RBFOX1: variants seen among roughly 807,000 people sequenced by gnomAD.
RBFOX1 encodes RNA binding protein fox-1 homolog 1.
A neutral mutation model predicts 57.7 loss-of-function variants in RBFOX1; 8 were observed. The observed-to-expected ratio is 0.14, with a 90% CI of 0.08 to 0.25. RBFOX1 has a LOEUF of 0.25. Ranked by LOEUF, RBFOX1 falls within the 10% of genes least tolerant of loss-of-function variation. The pLI is 1.00. For missense variants in RBFOX1, 611 were observed against 548.5 expected (o/e 1.11, Z -1.14); for synonymous variants, 326 against 222.4 (o/e 1.47, Z -4.15).
At position 6,978,719 on chromosome 16, in the gene RBFOX1, C is replaced by G. The variant is rs75999540; in HGVS notation, c.-15-73338C>G. ...CCAATGTAATCAGGATGTGATAAATCTCAGAGTAAGTTTGGAAGAAGGATT... is the reference window on the plus strand; with the variant it reads ...CCAATGTAATCAGGATGTGATAAATGTCAGAGTAAGTTTGGAAGAAGGATT... On this transcript the variant is annotated intron_variant, in intron 3 of 15. Transcript: ENST00000550418. Among the ~76,000 whole-genome samples, 4 of 152,322 alleles carry G rather than the reference C, an allele frequency of 2.6e-5. No homozygotes were observed. In the East Asian group the frequency reaches 5.8e-4, roughly 22 times the overall value.
chr16:6,749,779 T>C (rs557162602), intron 3 of RBFOX1, among the ~76,000 whole-genome samples: 1 of 152,346 alleles, frequency 6.6e-6, no homozygotes, highest in South Asian at 2.1e-4. Flanking sequence ...CAGAGCAGCC[T>C]TATGATTAAA....
At chr16:7,484,940 C>A (rs892292425) in intron 4 of RBFOX1, among the ~76,000 whole-genome samples, 27 of 152,150 alleles carry the variant, frequency 1.8e-4, no homozygotes, top group Non-Finnish European at 1.5e-4. Context: ...AACCCATATG[C>A]CCCAAGTTGT....
chr16:7,000,586 C>CT (rs149516490), intron 3 of RBFOX1, among the ~76,000 whole-genome samples: 2,447 of 93,936 alleles, frequency 0.026, 105 homozygotes, highest in African/African-American at 0.082. Context: ...TTTTTTCTTT[C>CT]TTTTTCTTTC....
intron 2 of RBFOX1, among the ~76,000 whole-genome samples, chr16:6,581,506 C>T (rs1339208470): frequency 1.3e-5 from 2 of 152,174 alleles, no homozygotes; most frequent in Non-Finnish European, 2.9e-5. Context: ...ACCCTGGGCT[C>T]TGATGGTCTA....
At chr16:5,424,833 CTTTCTTTCTTTCTTT>C (rs2067466917) in intron 1 of RBFOX1, among the ~76,000 whole-genome samples, 1 of 141,964 alleles carries the variant, frequency 7.0e-6, no homozygotes, top group Non-Finnish European at 1.5e-5. Flanking sequence ...CCTCTCCTCT[CTTTCTTTCTTTCTTT>C]CTCTCTCTCT....
chr16:7,083,155 A>C (rs531306279), intron 4 of RBFOX1, among the ~76,000 whole-genome samples: 2 of 152,158 alleles, frequency 1.3e-5, no homozygotes, highest in Non-Finnish European at 2.9e-5. Flanking sequence ...AATTTAAAAC[A>C]TAGAAATAAT....
chr16:7,594,049 G>C (rs1602774166), intron 7 of RBFOX1, among the ~76,000 whole-genome samples: 1 of 151,972 alleles, frequency 6.6e-6, no homozygotes, highest in Non-Finnish European at 1.5e-5. Flanking sequence ...ATAGGTATAC[G>C]TGTGCCATAT....
intron 2 of RBFOX1, among the ~76,000 whole-genome samples, chr16:6,529,387 C>T (rs1403301547): frequency 1.3e-5 from 2 of 151,916 alleles, no homozygotes; most frequent in African/African-American, 2.4e-5. Flanking sequence ...GGTGATACCC[C>T]ATCTCTACTA....
In RBFOX1 at chr16:7,379,353, G is replaced by T. The variant is rs2097746220; in HGVS notation, c.28-138794G>T. Among the ~76,000 whole-genome samples, 4 of 152,188 alleles carry T rather than the reference G, an allele frequency of 2.6e-5. No individual in the cohort carries two copies. The South Asian group carries it at 8.3e-4, about 32-fold the overall frequency. On this transcript the variant is annotated intron_variant, in intron 4 of 15. Transcript: ENST00000550418. The stretch of plus-strand genomic sequence containing the variant: ...AATAACAGTATTATCTGATGGAGGA[G>T]ACAAAAATACTTCAGTAATAGCCTA...
intron 3 of RBFOX1, among the ~76,000 whole-genome samples, chr16:5,666,118 C>T (rs536682053): frequency 2.4e-4 from 37 of 152,286 alleles, no homozygotes; most frequent in African/African-American, 8.2e-4. Context: ...TTGCAGGGGC[C>T]GGTTCCGTTT....
chr16:7,525,234 A>C (rs2152306762), intron 5 of RBFOX1, among the ~76,000 whole-genome samples: 1 of 152,146 alleles, frequency 6.6e-6, no homozygotes, highest in Non-Finnish European at 1.5e-5. Context: ...CTACTTTGGC[A>C]CCTGCTTTAT....
chr16:7,360,473 C>A (rs959126630), intron 4 of RBFOX1, among the ~76,000 whole-genome samples: 4 of 152,118 alleles, frequency 2.6e-5, no homozygotes, highest in African/African-American at 9.7e-5. Flanking sequence ...TTTACTAATT[C>A]TTGAAAAACT....
chr16:6,281,413 C>T (rs1044825201), intron 1 of RBFOX1, among the ~76,000 whole-genome samples: 5 of 152,112 alleles, frequency 3.3e-5, no homozygotes, highest in South Asian at 2.1e-4. Context: ...CCGGAGCCCA[C>T]GCCTTGTAAT....
At chr16:7,175,917 C>A (rs1223671241) in intron 4 of RBFOX1, among the ~76,000 whole-genome samples, 1 of 152,074 alleles carries the variant, frequency 6.6e-6, no homozygotes, top group African/African-American at 2.4e-5. Flanking sequence ...AAGAAACAGA[C>A]ACCAATTCCT....
At chr16:5,972,783 C>A (rs747231264) in intron 4 of RBFOX1, among the ~76,000 whole-genome samples, 3 of 152,204 alleles carry the variant, frequency 2.0e-5, no homozygotes, top group Non-Finnish European at 4.4e-5. Flanking sequence ...AATCTCCTAT[C>A]TGTTTGCCAC....
intron 4 of RBFOX1, among the ~76,000 whole-genome samples, chr16:7,274,706 GC>G (rs2095407357): frequency 7.2e-6 from 1 of 139,454 alleles, no homozygotes; most frequent in Non-Finnish European, 1.6e-5. Context: ...TTTTTTTGAG[GC>G]AAGGTCTCAT....
chr16:6,045,499 A>C (rs1189707988), intron 1 of RBFOX1, among the ~76,000 whole-genome samples: 1 of 152,232 alleles, frequency 6.6e-6, no homozygotes, highest in East Asian at 1.9e-4. Context: ...GAGTCTGTTT[A>C]TTCATTCATG....
intron 2 of RBFOX1, among the ~76,000 whole-genome samples, chr16:6,454,551 C>T (rs1245540574): frequency 2.0e-5 from 3 of 152,054 alleles, no homozygotes; most frequent in Admixed American, 2.0e-4. Flanking sequence ...GAGTGAGACA[C>T]CTTCTCAAAA....
intron 4 of RBFOX1, among the ~76,000 whole-genome samples, chr16:7,221,512 G>C (rs2092729997): frequency 6.6e-6 from 1 of 151,888 alleles, no homozygotes; most frequent in Admixed American, 6.6e-5. Flanking sequence ...GATTACAGGT[G>C]CGTGCCATCA....
Sources: allele counts gnomAD v4.1 joint callset (sites outside exome capture counted in the v4.1 genomes callset), GRCh38; gene constraint gnomAD v4.1.1; transcripts MANE v1.5; gene names NCBI Gene and HGNC (gene_info 2026-07-23, HGNC 2026-07-21).